Variants in PDGFRL observed in about 807,000 individuals in gnomAD.
PDGFRL encodes platelet-derived growth factor receptor-like protein.
Under a neutral mutation model 37.2 loss-of-function variants are expected in PDGFRL, and 46 were observed. The ratio of observed to expected loss-of-function variants is 1.24; its 90% CI spans 0.98 to 1.58. The LOEUF (loss-of-function observed/expected upper bound fraction) is 1.58. Among genes scored for constraint, PDGFRL ranks in the 40% most tolerant of loss-of-function variants. The probability of loss-of-function intolerance (pLI) is 0.00; values close to 1 mark genes in which losing one functional copy is unlikely to be tolerated. For synonymous variants in PDGFRL, 251 were observed against 184.3 expected, an observed-to-expected ratio of 1.36 and a Z score of -2.93; for missense variants, 692 against 467.6, an observed-to-expected ratio of 1.48 and a Z score of -4.43.
intron 3 of PDGFRL, among the ~76,000 whole-genome samples, chr8:17,623,859 G>T (rs1374106299): frequency 3.8e-5 from 4 of 105,022 alleles, no homozygotes; most frequent in African/African-American, 1.5e-4. Context: ...GGGCGACAGA[G>T]CAAGACTTTA....
intron 2 of PDGFRL, among the ~76,000 whole-genome samples, chr8:17,599,369 C>A (rs1585309022): frequency 6.6e-6 from 1 of 152,318 alleles, no homozygotes; most frequent in East Asian, 1.9e-4. Flanking sequence ...CAGCTTAGCT[C>A]CCACATATCG....
At chr8:17,611,946 C>G (rs1804425735) in intron 2 of PDGFRL, among the ~76,000 whole-genome samples, 1 of 152,014 alleles carries the variant, frequency 6.6e-6, no homozygotes, top group Non-Finnish European at 1.5e-5. Flanking sequence ...AGAGTGGGAA[C>G]CAAGTAAGAA....
chr8:17,595,409 G>C (rs372871882), intron 2 of PDGFRL, among the ~76,000 whole-genome samples: 1 of 152,148 alleles, frequency 6.6e-6, no homozygotes, highest in South Asian at 2.1e-4. Context: ...TCCTGTTCTC[G>C]GGTAGGGGCC....
chr8:17,598,937 C>T (rs1171661697), intron 2 of PDGFRL, among the ~76,000 whole-genome samples: 1 of 152,172 alleles, frequency 6.6e-6, no homozygotes. Flanking sequence ...GTGAGACCTC[C>T]CCAGCCACGT....
chr8:17,625,300 C>A (rs888755118), intron 3 of PDGFRL, among the ~76,000 whole-genome samples: 11 of 152,118 alleles, frequency 7.2e-5, no homozygotes, highest in Non-Finnish European at 1.2e-4. Flanking sequence ...TACAGGCATG[C>A]GCCACAGTGC....
chr8:17,585,002 G>T (rs569046497), intron 1 of PDGFRL, among the ~76,000 whole-genome samples: 1 of 152,220 alleles, frequency 6.6e-6, no homozygotes, highest in African/African-American at 2.4e-5. Context: ...CCGGGAAAGG[G>T]ACGGGAAATT....
chr8:17,582,899 G>T (rs1317709169), intron 1 of PDGFRL, among the ~76,000 whole-genome samples: 10 of 152,190 alleles, frequency 6.6e-5, no homozygotes, highest in Non-Finnish European at 1.3e-4. Flanking sequence ...AGGCCCTGCT[G>T]CTCTTCTGCC....
At position 17,590,059 on chromosome 8, in the gene PDGFRL, G is replaced by A. The variant is rs138814588; in HGVS notation, c.353+294G>A. Among the ~76,000 whole-genome samples the A allele has an allele frequency of 3.5e-3, 522 of 151,066 alleles. 2 individuals are homozygous for A. The highest frequency in any genetic ancestry group is 0.012 in the African/African-American group (492 of 41,292). ...ATCCTGGCTAACCCGGTGAAATCCC[G>A]TCTCTATTAAAAATACAGAAAATTA... is the stretch of plus-strand genomic sequence containing the variant. On this transcript the variant is annotated intron_variant, in intron 2 of 5. Transcript: ENST00000251630.
upstream of PDGFRL, chr8:17,577,096 A>AAAAAAAAAAAAAAT: frequency 1.1e-6 from 1 of 936,918 alleles, no homozygotes; most frequent in Non-Finnish European, 1.5e-6. Context: ...AAAAAAAAAA[A>AAAAAAAAAAAAAAT]TTCCCCAACT....
Position 17,638,738 on chromosome 8 carries a change from C to CATATATATATAT in PDGFRL, c.940-3837_940-3826dup, listed in dbSNP as rs56085770. Reference sequence around the variant, plus strand: ...AATTTGGGAGCTCTGGCATTAGGTGCATATATATATATATATATATATATA... The same window carrying CATATATATATAT: ...AATTTGGGAGCTCTGGCATTAGGTGCATATATATATATATATATATATATATATATATATATA... On this transcript the variant is annotated intron_variant, in intron 5 of 5. Transcript: ENST00000251630. Among the ~76,000 whole-genome samples, 25 of 47,358 alleles carry CATATATATATAT rather than the reference C, an allele frequency of 5.3e-4. 1 individual carries two copies. Among genetic ancestry groups the CATATATATATAT allele is most frequent in the Non-Finnish European group, 6.9e-4 (16 of 23,096 alleles). 31.1% of individuals were successfully genotyped at this position (47,358 alleles called of 152,430 possible). A position where few individuals can be genotyped will look rare whatever the true frequency, so the allele number is the denominator to read the frequency against.
At chr8:17,599,577 C>T (rs992715192) in intron 2 of PDGFRL, among the ~76,000 whole-genome samples, 1 of 152,180 alleles carries the variant, frequency 6.6e-6, no homozygotes, top group Non-Finnish European at 1.5e-5. Context: ...GCACATGGAC[C>T]CTGAGGACTG....
At chr8:17,604,798 A>G (rs562453534) in intron 2 of PDGFRL, among the ~76,000 whole-genome samples, 9 of 152,324 alleles carry the variant, frequency 5.9e-5, no homozygotes, top group Admixed American at 5.2e-4. Context: ...GAGGATTTAA[A>G]GCCTTTCTAA....
intron 2 of PDGFRL, among the ~76,000 whole-genome samples, chr8:17,600,634 C>G (rs1289440027): frequency 2.2e-5 from 3 of 139,466 alleles, no homozygotes; most frequent in African/African-American, 2.9e-5. Flanking sequence ...ACCCCCATCT[C>G]TAAAAAAAAA....
At position 17,627,989 on chromosome 8, in the gene PDGFRL, CTTTTTTTTTT is replaced by C. The variant is rs35707610; in HGVS notation, c.506-485_506-476del. On this transcript the variant is annotated intron_variant, in intron 3 of 5. Coordinates refer to ENST00000251630, the MANE Select transcript of PDGFRL (RefSeq NM_001372073.1). ...GATACCTTTTCTGTTTTCTTTCTTT[CTTTTTTTTTT>C]TTTTTTTTTTTTGAGACGGAGTCTG... Among the ~76,000 whole-genome samples the C allele has an allele frequency of 4.1e-3, 367 of 89,230 alleles. 4 individuals carry two copies. Among genetic ancestry groups the C allele is most frequent in the African/African-American group, 0.019 (355 of 18,528 alleles). The allele number at this position is 89,230 out of a possible 152,430, so 58.5% of individuals were successfully genotyped here.
At chr8:17,609,724 T>C (rs1338274063) in intron 2 of PDGFRL, among the ~76,000 whole-genome samples, 1 of 149,374 alleles carries the variant, frequency 6.7e-6, no homozygotes, top group Non-Finnish European at 1.5e-5. Context: ...TGCAGCCAGG[T>C]TGGAGAACCA....
chr8:17,628,226 C>T lies in PDGFRL; in HGVS notation c.506-261C>T, dbSNP rs574421331. Among the ~76,000 whole-genome samples, 37 of 151,500 alleles carry T rather than the reference C, an allele frequency of 2.4e-4. 2 individuals carry two copies. Among genetic ancestry groups the T allele is most frequent in the South Asian group, 1.0e-3 (5 of 4,770 alleles). On this transcript the variant is annotated intron_variant, in intron 3 of 5. Coordinates refer to ENST00000251630, the MANE Select transcript of PDGFRL (RefSeq NM_001372073.1). ...AGCCAGGATGGTCTCGATCTCCTGA[C>T]CTCGTGATCTGCCCGCCTCAGCCTC...
chr8:17,579,187 C>G (rs1325474469), intron 1 of PDGFRL, among the ~76,000 whole-genome samples: 1 of 152,144 alleles, frequency 6.6e-6, no homozygotes, highest in Non-Finnish European at 1.5e-5. Flanking sequence ...CAAAGTGAGA[C>G]TCCATCTCAA....
chr8:17,638,567 C>G (rs1306012230), intron 5 of PDGFRL, among the ~76,000 whole-genome samples: 1 of 151,214 alleles, frequency 6.6e-6, no homozygotes, highest in South Asian at 2.1e-4. Context: ...TCCATTTGTT[C>G]TAGGTTATAG....
chr8:17,631,575 G>T (rs1482468881), intron 4 of PDGFRL, among the ~76,000 whole-genome samples: 1 of 151,760 alleles, frequency 6.6e-6, no homozygotes, highest in African/African-American at 2.4e-5. Context: ...CCAAGTCCCT[G>T]AATGAAAGAG....
Sources: allele counts gnomAD v4.1 joint callset (sites outside exome capture counted in the v4.1 genomes callset), GRCh38; gene constraint gnomAD v4.1.1; transcripts MANE v1.5; gene names NCBI Gene and HGNC (gene_info 2026-07-23, HGNC 2026-07-21).